Variants in ARHGEF18 observed in about 807,000 individuals in gnomAD.
ARHGEF18 encodes the protein rho guanine nucleotide exchange factor 18.
Under a neutral mutation model 155.7 loss-of-function variants are expected in ARHGEF18, and 93 were observed. The observed-to-expected ratio is 0.60, with a 90% confidence interval of 0.50 to 0.71. ARHGEF18 has a LOEUF of 0.71. Ranked by LOEUF, ARHGEF18 falls within the 30% of genes least tolerant of loss-of-function variation. The pLI, the probability that ARHGEF18 is intolerant of heterozygous loss-of-function variation, is 0.00. For synonymous variants in ARHGEF18, 742 were observed against 753.1 expected (o/e 0.99, Z 0.24); for missense variants, 1,593 against 1,816.1 (o/e 0.88, Z 2.23).
At chr19:7,353,043 C>A (rs1038341780) in intron 1 of ARHGEF18, among the ~76,000 whole-genome samples, 13 of 150,222 alleles carry the variant, frequency 8.7e-5, no homozygotes, top group Non-Finnish European at 1.8e-4. Flanking sequence ...ACCATGTTGG[C>A]CAGGCTGGTC....
intron 10 of ARHGEF18, among the ~76,000 whole-genome samples, chr19:7,430,199 A>AT (rs1973877676): frequency 6.6e-6 from 1 of 151,810 alleles, no homozygotes; most frequent in Non-Finnish European, 1.5e-5. Context: ...CTTCCCTGTC[A>AT]TTTTTTATTT....
intron 10 of ARHGEF18, among the ~76,000 whole-genome samples, chr19:7,418,545 C>G (rs1973145155): frequency 6.6e-6 from 1 of 152,138 alleles, no homozygotes. Flanking sequence ...TTCTTGCCAC[C>G]TCAGCCTCCC....
chr19:7,446,107 T>C (rs1974971108), intron 14 of ARHGEF18, among the ~76,000 whole-genome samples: 1 of 152,040 alleles, frequency 6.6e-6, no homozygotes, highest in Admixed American at 6.6e-5. Flanking sequence ...TATTAGAAAA[T>C]GGAACTGCAG....
rs146134631 is a variant in ARHGEF18 at position 7,395,163 on chromosome 19, G to A, written c.967+11960G>A. 6.3e-5 allele frequency: 62 copies of A among 985,580 alleles called. No homozygotes were observed. The highest frequency in any genetic ancestry group is 6.4e-5 in the Non-Finnish European group (53 of 830,190). 61.1% of individuals were successfully genotyped at this position (985,580 alleles called of 1,614,324 possible). On this transcript the variant is annotated intron_variant, in intron 10 of 28. Transcript: ENST00000668164. The surrounding 1 kb of genome is among the most constrained non-coding windows in gnomAD (Gnocchi z 5.0). ...CCCAGCTGCTAGCTACTGTGGATCT[G>A]GGGGGGCCGGACGGAGGCATCGGAG...
intron 10 of ARHGEF18, among the ~76,000 whole-genome samples, chr19:7,387,831 G>C (rs754188613): frequency 6.6e-6 from 1 of 151,694 alleles, no homozygotes; most frequent in Non-Finnish European, 1.5e-5. Context: ...CACCATGCCT[G>C]GCTAATTTTT....
At chr19:7,399,889 C>A (rs958664810) in intron 10 of ARHGEF18, among the ~76,000 whole-genome samples, 18 of 151,580 alleles carry the variant, frequency 1.2e-4, no homozygotes, top group African/African-American at 4.4e-4. Flanking sequence ...CCTCCCACTT[C>A]AGCCTCCCAA....
At chr19:7,355,754 C>G (rs1969274505) in intron 1 of ARHGEF18, 1 of 976,378 alleles carries the variant, frequency 1.0e-6, no homozygotes, top group Non-Finnish European at 1.2e-6. Flanking sequence ...GTGGGGATCC[C>G]AGGACAGCCT....
Position 7,468,880 on chromosome 19 carries a change from G to T in ARHGEF18, c.3536G>T (p.Arg1179Leu). ...SFNGEGLEGP[R>L]VSMLPSGVGP... ...AACGGGGAAGGGCTGGAGGGCCCTC[G>T]TGTGAGCATGCTGCCATCCGGCGTG... is the stretch of plus-strand genomic sequence containing the variant. The change falls in exon 27 of 29, where the codon CGT (arginine) becomes CTT (leucine). Residue 1179 changes from arginine to leucine, a missense_variant. Arg to Leu is a moderately radical substitution (Grantham distance 102). Transcript: ENST00000668164. 1 of 1,575,788 alleles carries T rather than the reference G, an allele frequency of 6.3e-7. No homozygotes were observed. Among genetic ancestry groups the T allele is most frequent in the Non-Finnish European group, 8.6e-7 (1 of 1,160,424 alleles).
chr19:7,442,237 T>G (rs1304049102), intron 13 of ARHGEF18, among the ~76,000 whole-genome samples, 185 bp downstream of exon 13: 2 of 151,858 alleles, frequency 1.3e-5, no homozygotes, highest in African/African-American at 2.4e-5. Flanking sequence ...CTTTCTTTCT[T>G]TCTTTTTTTT....
At chr19:7,362,655 A>T in intron 1 of ARHGEF18, 126 bp from the exon 2 acceptor site, 1 of 886,070 alleles carries the variant, frequency 1.1e-6, no homozygotes, top group Non-Finnish European at 1.5e-6. Context: ...CCCTCCCCTC[A>T]CCAACTCATT....
At chr19:7,426,968 A>G (rs1973703600) in intron 10 of ARHGEF18, among the ~76,000 whole-genome samples, 1 of 152,106 alleles carries the variant, frequency 6.6e-6, no homozygotes, top group South Asian at 2.1e-4. Flanking sequence ...AGTCTCAGAG[A>G]AAGTTAAGTT....
At chr19:7,420,504 C>T (rs1016935969) in intron 10 of ARHGEF18, among the ~76,000 whole-genome samples, 2 of 152,222 alleles carry the variant, frequency 1.3e-5, no homozygotes, top group African/African-American at 2.4e-5. Context: ...CCGCCCACCT[C>T]GGCCTCCCAA....
chr19:7,409,327 T>TAAAAA (rs142783549), intron 10 of ARHGEF18, among the ~76,000 whole-genome samples: 3 of 114,676 alleles, frequency 2.6e-5, no homozygotes, highest in South Asian at 2.8e-4. Flanking sequence ...CCCTGTTTCT[T>TAAAAA]AAAAAAAAAA....
rs764111444 is a variant in ARHGEF18, at chr19:7,424,997, A to G, written c.968-15347A>G. 7.1e-3 allele frequency among the ~76,000 whole-genome samples: 831 copies of G among 116,256 alleles called. 9 individuals carry two copies. Among genetic ancestry groups the G allele is most frequent in the African/African-American group, 0.024 (769 of 32,428 alleles). The allele number at this position is 116,256 out of a possible 152,430, so 76.3% of individuals were successfully genotyped here. ...GACAGAGTGAGACTACGTCTCGGGG[A>G]AAAAAAAAAAAAAGGCTCAAATTCA... On this transcript the variant is annotated intron_variant, in intron 10 of 28. Coordinates refer to ENST00000668164, the MANE Select transcript of ARHGEF18 (RefSeq NM_001367823.1).
At chr19:7,455,860 T>G (rs886181387) in intron 17 of ARHGEF18, among the ~76,000 whole-genome samples, 3 of 152,108 alleles carry the variant, frequency 2.0e-5, no homozygotes, top group Non-Finnish European at 4.4e-5. Context: ...TATAAAACTG[T>G]CAGATCTTGT....
At chr19:7,436,525 C>T (rs1413911646) in intron 10 of ARHGEF18, among the ~76,000 whole-genome samples, 1 of 152,082 alleles carries the variant, frequency 6.6e-6, no homozygotes, top group African/African-American at 2.4e-5. Flanking sequence ...TGATCCACCC[C>T]GCTCGGCCTC....
At position 7,440,963 on chromosome 19, in the gene ARHGEF18, C is replaced by A. The variant is rs1280178845; in HGVS notation, c.1106+481C>A. Reference sequence around the variant, plus strand: ...GGGAAAGGGAGTAAATTATCATTTTCCTCTGAGTAAGGACTGCCCTCCCAC... The same window carrying A: ...GGGAAAGGGAGTAAATTATCATTTTACTCTGAGTAAGGACTGCCCTCCCAC... On this transcript the variant is annotated intron_variant, in intron 11 of 28. Transcript: ENST00000668164. This position sits in a 1 kb window ranked among gnomAD's most constrained non-coding sequence, Gnocchi z 5.4. Among the ~76,000 whole-genome samples, 1 of 152,028 alleles carries A rather than the reference C, an allele frequency of 6.6e-6. No homozygotes were observed. The highest frequency in any genetic ancestry group is 6.6e-5 in the Admixed American group (1 of 15,252).
chr19:7,364,279 G>A (rs11260008), intron 2 of ARHGEF18, among the ~76,000 whole-genome samples: 143,014 of 150,180 alleles, frequency 0.95, 68,123 homozygotes, highest in Middle Eastern at 0.98. Context: ...TAAATGAAAG[G>A]ATGAAGGAAG....
At chr19:7,372,336 G>A (rs558217355) in intron 2 of ARHGEF18, among the ~76,000 whole-genome samples, 39 of 152,134 alleles carry the variant, frequency 2.6e-4, no homozygotes, top group Non-Finnish European at 2.5e-4. Context: ...GGTGGGAGAG[G>A]AGGTTTTGCA....
Sources: allele counts gnomAD v4.1 joint callset (sites outside exome capture counted in the v4.1 genomes callset), GRCh38; gene constraint gnomAD v4.1.1; non-coding constraint Gnocchi (gnomAD v3.1); transcripts MANE v1.5; gene names NCBI Gene and HGNC (gene_info 2026-07-23, HGNC 2026-07-21).